TSHZ2: variants seen among roughly 807,000 people sequenced by gnomAD.
TSHZ2 encodes teashirt zinc finger homeobox 2.
TSHZ2 carries 21 observed loss-of-function variants against 74.4 expected under a neutral mutation model. The ratio of observed to expected loss-of-function variants is 0.28; its 90% CI spans 0.20 to 0.41. The LOEUF (loss-of-function observed/expected upper bound fraction) is 0.41, where lower values mean the gene tolerates loss of function less well. Ranked by LOEUF, TSHZ2 falls within the 10% of genes least tolerant of loss-of-function variation. The probability of loss-of-function intolerance (pLI) is 1.00; values close to 1 mark genes in which losing one functional copy is unlikely to be tolerated. For synonymous variants in TSHZ2, 540 were observed against 515.3 expected (o/e 1.05, Z -0.65); for missense variants, 1,244 against 1,293.5 (o/e 0.96, Z 0.59).
rs758075038 is a variant in TSHZ2 at position 53,280,010 on chromosome 20, C to T, written c.*8+23439C>T. The stretch of plus-strand genomic sequence containing the variant: ...TGCTGTGAGCTCAAGGTGACAGACT[C>T]AATTGTGCAGGCCATGGTAATGAGT... On this transcript the variant is annotated intron_variant, in intron 2 of 2. Coordinates refer to ENST00000371497, the MANE Select transcript of TSHZ2 (RefSeq NM_173485.6). 4.4e-4 allele frequency among the ~76,000 whole-genome samples: 67 copies of T among 152,282 alleles called. No homozygotes were observed. In the Middle Eastern group the frequency reaches 0.014, roughly 31 times the overall value.
In TSHZ2 at chr20:53,255,266, A is replaced by G; in HGVS notation, c.1808A>G (p.Glu603Gly). The change falls in exon 2 of 3, where the codon GAG becomes GGG. Residue 603 changes from glutamate to glycine, a missense_variant. This residue lies in a region of TSHZ2 where 562 missense variants were observed against 544.0 expected (regional missense o/e 1.03). Transcript: ENST00000371497. The surrounding 1 kb of genome is among the most constrained non-coding windows in gnomAD (Gnocchi z 4.1). Reference protein sequence around the residue: ...HLAPYTQVKKESEDKDEAVKE... With the variant: ...HLAPYTQVKKGSEDKDEAVKE... Reference sequence around the variant, plus strand: ...GCCCCTTACACTCAAGTCAAGAAAGAGTCAGAAGACAAAGATGAAGCGGTG... The same window carrying G: ...GCCCCTTACACTCAAGTCAAGAAAGGGTCAGAAGACAAAGATGAAGCGGTG... 6.2e-7 allele frequency: 1 copy of G among 1,614,232 alleles called. No homozygotes were observed. The highest frequency in any genetic ancestry group is 8.5e-7 in the Non-Finnish European group (1 of 1,180,038).
At chr20:53,241,365 C>T (rs894956151) in intron 1 of TSHZ2, among the ~76,000 whole-genome samples, 5 of 152,138 alleles carry the variant, frequency 3.3e-5, no homozygotes, top group African/African-American at 1.2e-4. Flanking sequence ...AAAAGCTAAC[C>T]TAGTTAATTA....
chr20:53,003,390 T>C (rs911300374), intron 1 of TSHZ2, among the ~76,000 whole-genome samples: 5 of 152,054 alleles, frequency 3.3e-5, no homozygotes, highest in African/African-American at 9.7e-5. Flanking sequence ...TGAGCAGGCC[T>C]GAGAAAATTG....
At chr20:53,247,202 C>T (rs1022826481) in intron 1 of TSHZ2, among the ~76,000 whole-genome samples, 1 of 152,228 alleles carries the variant, frequency 6.6e-6, no homozygotes, top group South Asian at 2.1e-4. Context: ...TAAAAATCCA[C>T]GCACCATAAA....
intron 1 of TSHZ2, among the ~76,000 whole-genome samples, chr20:53,035,876 CAGAT>C (rs1180410339): frequency 6.6e-6 from 1 of 152,152 alleles, no homozygotes; most frequent in East Asian, 1.9e-4. Flanking sequence ...CCATTAGCAT[CAGAT>C]AGATATTCCT....
chr20:52,975,788 A>G (rs1981313208), intron 1 of TSHZ2, among the ~76,000 whole-genome samples: 1 of 152,088 alleles, frequency 6.6e-6, no homozygotes. Context: ...GCCCTACTCT[A>G]TTTCAGCTGA....
At chr20:53,300,952 C>CTTTCTTTTTTAT (rs1304561255) in intron 2 of TSHZ2, among the ~76,000 whole-genome samples, 2 of 152,020 alleles carry the variant, frequency 1.3e-5, no homozygotes, top group Non-Finnish European at 2.9e-5. Flanking sequence ...TCTTTTCTTT[C>CTTTCTTTTTTAT]TTTCTTTTTT....
chr20:53,260,479 C>T (rs1990580934), intron 2 of TSHZ2, among the ~76,000 whole-genome samples: 1 of 152,072 alleles, frequency 6.6e-6, no homozygotes, highest in South Asian at 2.1e-4. Context: ...GCCTTTGAGG[C>T]TAGTGGCAGA....
chr20:53,010,636 T>C (rs1038223924), intron 1 of TSHZ2, among the ~76,000 whole-genome samples: 1 of 151,984 alleles, frequency 6.6e-6, no homozygotes, highest in African/African-American at 2.4e-5. Flanking sequence ...CTGAGACACA[T>C]GTCATGAGAG....
intron 1 of TSHZ2, among the ~76,000 whole-genome samples, chr20:53,106,978 G>T (rs368313065): frequency 6.6e-6 from 1 of 152,098 alleles, no homozygotes; most frequent in Non-Finnish European, 1.5e-5. Context: ...GATTACAGGC[G>T]TGAGCCACCG....
intron 2 of TSHZ2, among the ~76,000 whole-genome samples, chr20:53,258,794 A>G (rs1990540593): frequency 6.6e-6 from 1 of 152,236 alleles, no homozygotes; most frequent in African/African-American, 2.4e-5. Context: ...TGGTGTTTTC[A>G]TTATACAAAA....
chr20:53,374,306 G>A (rs948757677), intron 2 of TSHZ2, among the ~76,000 whole-genome samples: 10 of 151,976 alleles, frequency 6.6e-5, no homozygotes, highest in East Asian at 1.9e-4. Flanking sequence ...CCATATTGCT[G>A]CAAAAGACAT....
At chr20:53,469,642 A>AGGG (rs1985709810) in intron 2 of TSHZ2, among the ~76,000 whole-genome samples, 1 of 58,332 alleles carries the variant, frequency 1.7e-5, no homozygotes, top group African/African-American at 7.6e-5. Flanking sequence ...GGGAGGAAGG[A>AGGG]AGGAAGGAAG....
intron 1 of TSHZ2, among the ~76,000 whole-genome samples, chr20:53,248,341 T>G (rs1990253683): frequency 6.6e-6 from 1 of 152,100 alleles, no homozygotes; most frequent in Non-Finnish European, 1.5e-5. Context: ...CCACAAGTAC[T>G]GAGATTACAG....
intron 2 of TSHZ2, among the ~76,000 whole-genome samples, chr20:53,463,469 T>G (rs1985462716): frequency 7.5e-6 from 1 of 133,732 alleles, no homozygotes; most frequent in African/African-American, 2.8e-5. Flanking sequence ...GAAGGTTGGC[T>G]TAGGGGGTAG....
At chr20:52,987,404 G>A (rs531775861) in intron 1 of TSHZ2, among the ~76,000 whole-genome samples, 5 of 152,056 alleles carry the variant, frequency 3.3e-5, no homozygotes, top group Non-Finnish European at 7.4e-5. Context: ...AGGATAACAG[G>A]AAAAAGTACA....
chr20:53,252,140 T>TCAG (rs979467596), intron 1 of TSHZ2, among the ~76,000 whole-genome samples: 15 of 152,200 alleles, frequency 9.9e-5, no homozygotes, highest in Non-Finnish European at 1.3e-4. Context: ...TTCTTTATCT[T>TCAG]CAGCAGCAGC....
chr20:53,209,490 A>T (rs1989249988), intron 1 of TSHZ2, among the ~76,000 whole-genome samples: 1 of 152,236 alleles, frequency 6.6e-6, no homozygotes, highest in South Asian at 2.1e-4. Context: ...GTTTGGGGCA[A>T]TGAAATCATG....
chr20:52,990,212 A>G (rs1981928300), intron 1 of TSHZ2, among the ~76,000 whole-genome samples: 1 of 152,134 alleles, frequency 6.6e-6, no homozygotes, highest in South Asian at 2.1e-4. Context: ...AAAAAAATAA[A>G]CATTATTGAA....
Sources: allele counts gnomAD v4.1 joint callset (sites outside exome capture counted in the v4.1 genomes callset), GRCh38; gene constraint gnomAD v4.1.1; regional missense constraint gnomAD v4.1.1; non-coding constraint Gnocchi (gnomAD v3.1); transcripts MANE v1.5; gene names NCBI Gene and HGNC (gene_info 2026-07-23, HGNC 2026-07-21).